The following ANK3 variants were observed in gnomAD, a reference collection of about 807,000 sequenced individuals.
ANK3 encodes ankyrin 3, also known as ankyrin-3.
Under a neutral mutation model 370.9 loss-of-function variants are expected in ANK3, and 57 were observed. The ratio of observed to expected loss-of-function variants is 0.15; its 90% CI spans 0.12 to 0.19. The LOEUF (loss-of-function observed/expected upper bound fraction) is 0.19, where lower values mean the gene tolerates loss of function less well. ANK3 is among the 10% of genes least tolerant of loss of function. The pLI is 1.00. For synonymous variants in ANK3, 1,929 were observed against 1,946.3 expected, an observed-to-expected ratio of 0.99 and a Z score of 0.23; for missense variants, 4,439 against 5,302.1, an observed-to-expected ratio of 0.84 and a Z score of 5.06.
At chr10:60,461,643 A>G (rs2064887105) in intron 2 of ANK3, among the ~76,000 whole-genome samples, 1 of 152,160 alleles carries the variant, frequency 6.6e-6, no homozygotes. Flanking sequence ...CCTCAGGAAA[A>G]GGCAATCACT....
intron 2 of ANK3, among the ~76,000 whole-genome samples, chr10:60,532,057 G>T (rs908057393): frequency 6.6e-6 from 1 of 152,088 alleles, no homozygotes; most frequent in Non-Finnish European, 1.5e-5. Context: ...TAGTATTGCA[G>T]GTGAAACACA....
chr10:60,279,572 A>G lies in ANK3; in HGVS notation c.182T>C (p.Ile61Thr), dbSNP rs756800788. The G allele has an allele frequency of 6.2e-7, 1 of 1,612,226 alleles. No individual in the cohort carries two copies. The highest frequency in any genetic ancestry group is 8.5e-7 in the Non-Finnish European group (1 of 1,179,552). Residue 61 changes from isoleucine (I) to threonine (T), a missense_variant, in exon 2 of 44, where the codon ATA becomes ACA. Physicochemically the swap from Ile to Thr is moderately conservative, Grantham distance 89 (BLOSUM62 -1). Coordinates refer to ENST00000280772, the MANE Select transcript of ANK3 (RefSeq NM_020987.5). ...AATGTTGATGTCAACTCCATTTTTT[A>G]TGTAGTCGAGGGCCTTTTCAAGGTG... ...AGHLEKALDY[I>T]KNGVDINICN...
At chr10:60,272,124 T>C (rs1301779114) in intron 4 of ANK3, among the ~76,000 whole-genome samples, 2 of 139,580 alleles carry the variant, frequency 1.4e-5, no homozygotes, top group East Asian at 2.1e-4. Flanking sequence ...TGTGTGTGTG[T>C]GTGCATGCCC....
chr10:60,128,087 T>A (rs913948606), intron 25 of ANK3, among the ~76,000 whole-genome samples: 1 of 152,158 alleles, frequency 6.6e-6, no homozygotes, highest in Non-Finnish European at 1.5e-5. Flanking sequence ...GGATTAGAAA[T>A]AAACGTTAAC....
chr10:60,452,503 T>C lies in ANK3; in HGVS notation c.96+162683A>G, dbSNP rs919675944. On this transcript the variant is annotated intron_variant, in intron 2 of 43. Transcript: ENST00000373827. ...TCTTCAGTGAACTAAAGAGGAACCT[T>C]AGAGAACCCGTCTTCCTCCCCTTCG... Among the ~76,000 whole-genome samples the C allele has an allele frequency of 6.6e-5, 10 of 152,170 alleles. 1 individual carries two copies. Among genetic ancestry groups the C allele is most frequent in the African/African-American group, 2.4e-4 (10 of 41,432 alleles).
At chr10:60,252,177 T>G (rs1260176964) in intron 7 of ANK3, among the ~76,000 whole-genome samples, 1 of 152,184 alleles carries the variant, frequency 6.6e-6, no homozygotes, top group Non-Finnish European at 1.5e-5. Context: ...CTCTACACTC[T>G]AGGTACCCCT....
chr10:60,405,827 C>T (rs1282445059), intron 2 of ANK3, among the ~76,000 whole-genome samples: 1 of 152,060 alleles, frequency 6.6e-6, no homozygotes, highest in Non-Finnish European at 1.5e-5. Context: ...AAATGTTAAT[C>T]GTAGAATCTA....
chr10:60,391,130 G>A (rs2063068642), upstream of ANK3, among the ~76,000 whole-genome samples: 1 of 152,210 alleles, frequency 6.6e-6, no homozygotes, highest in Non-Finnish European at 1.5e-5. Context: ...AAATGGGAAG[G>A]GAAAGAATCA....
intron 28 of ANK3, among the ~76,000 whole-genome samples, chr10:60,093,329 T>A (rs2089179775): frequency 6.6e-6 from 1 of 152,244 alleles, no homozygotes; most frequent in Admixed American, 6.5e-5. Context: ...AAAGATGTCA[T>A]GTTCTCCTTC....
At position 60,363,429 on chromosome 10, in the gene ANK3, A is replaced by G. The variant is rs932069691; in HGVS notation, c.114+25996T>C. On this transcript the variant is annotated intron_variant, in intron 1 of 43. Transcript: ENST00000280772. Reference sequence around the variant, plus strand: ...TAACAAATATATCACTCCTCCAACCACTTGTATCTGGATAGAGGCAAGAAA... The same window carrying G: ...TAACAAATATATCACTCCTCCAACCGCTTGTATCTGGATAGAGGCAAGAAA... Among the ~76,000 whole-genome samples, 9 of 152,166 alleles carry G rather than the reference A, an allele frequency of 5.9e-5. 1 individual carries two copies. Among genetic ancestry groups the G allele is most frequent in the African/African-American group, 2.2e-4 (9 of 41,440 alleles).
chr10:60,508,272 G>A (rs991729377), intron 2 of ANK3: 1 of 152,410 alleles, frequency 6.6e-6, no homozygotes, highest in African/African-American at 2.4e-5. Context: ...ATGATTTCAG[G>A]CTTTTGGTAA....
Position 60,389,454 on chromosome 10 carries a change from G to C in ANK3, c.85C>G (p.Arg29Gly). 2 of 1,613,852 alleles carry C rather than the reference G, an allele frequency of 1.2e-6. No homozygotes were observed. Among genetic ancestry groups the C allele is most frequent in the Non-Finnish European group, 8.5e-7 (1 of 1,179,938 alleles). Residue 29 changes from arginine (R) to glycine (G), a missense_variant, in exon 1 of 44, where the codon CGC becomes GGC. Arg to Gly is a moderately radical substitution (Grantham distance 125). This residue lies in a region of ANK3 where 54 missense variants were observed against 52.7 expected (regional missense o/e 1.02). Coordinates refer to ENST00000280772, the MANE Select transcript of ANK3 (RefSeq NM_020987.5). ...EEEPEKKRKH[R>G]KRSRDRKKKS... ...TTCTTCCGATCCCGGGACCGTTTGC[G>C]GTGTTTCCTTTTTTTCTCAGGCTCT...
intron 23 of ANK3, among the ~76,000 whole-genome samples, chr10:60,160,710 T>G (rs752745318): frequency 1.3e-5 from 2 of 152,142 alleles, no homozygotes; most frequent in African/African-American, 4.8e-5. Flanking sequence ...CATGATCAAG[T>G]GGGATTCATC....
At chr10:60,363,175 C>T (rs916280618) in intron 1 of ANK3, among the ~76,000 whole-genome samples, 1 of 152,038 alleles carries the variant, frequency 6.6e-6, no homozygotes, top group Non-Finnish European at 1.5e-5. Flanking sequence ...AAGGCATCTG[C>T]TTTTTTTGAT....
chr10:60,250,580 T>G (rs1018916560), intron 7 of ANK3, among the ~76,000 whole-genome samples: 4 of 152,156 alleles, frequency 2.6e-5, no homozygotes, highest in Non-Finnish European at 4.4e-5. Context: ...TTAGCCAGGA[T>G]GGTCTCGATC....
At chr10:60,343,206 C>T (rs1442165284) in intron 1 of ANK3, among the ~76,000 whole-genome samples, 2 of 151,948 alleles carry the variant, frequency 1.3e-5, no homozygotes, top group African/African-American at 2.4e-5. Flanking sequence ...TGTATATATA[C>T]ATTATTAGAT....
chr10:60,451,023 C>A (rs1481164005), intron 2 of ANK3, among the ~76,000 whole-genome samples: 3 of 152,112 alleles, frequency 2.0e-5, no homozygotes, highest in South Asian at 4.1e-4. Context: ...GACCCTGAAT[C>A]CAATGACATG....
At chr10:60,353,314 G>T (rs1273798379) in intron 1 of ANK3, among the ~76,000 whole-genome samples, 1 of 151,940 alleles carries the variant, frequency 6.6e-6, no homozygotes, top group East Asian at 1.9e-4. Context: ...CTTAAATCTA[G>T]TATTTCTTTA....
At chr10:60,529,650 G>GA (rs1325387000) in intron 2 of ANK3, among the ~76,000 whole-genome samples, 2 of 151,848 alleles carry the variant, frequency 1.3e-5, no homozygotes, top group East Asian at 1.9e-4. Context: ...TAAAAGAAAA[G>GA]AAAAAAACAT....
Sources: allele counts gnomAD v4.1 joint callset (sites outside exome capture counted in the v4.1 genomes callset), GRCh38; gene constraint gnomAD v4.1.1; regional missense constraint gnomAD v4.1.1; transcripts MANE v1.5; gene names NCBI Gene and HGNC (gene_info 2026-07-23, HGNC 2026-07-21).